Variants in PLN observed in about 807,000 individuals in gnomAD.
PLN encodes phospholamban, also known as cardiac phospholamban.
Under a neutral mutation model 3.9 loss-of-function variants are expected in PLN, and 1 was observed. The observed-to-expected ratio is 0.26, with a 90% CI of 0.09 to 1.23. The LOEUF (loss-of-function observed/expected upper bound fraction) is 1.23. PLN is among the 50% of genes most tolerant of loss of function. The pLI is 0.48. For synonymous variants in PLN, 21 were observed against 20.5 expected (o/e 1.02, Z -0.07); for missense variants, 59 against 62.7 (o/e 0.94, Z 0.20).
intron 1 of PLN, among the ~76,000 whole-genome samples, chr6:118,549,116 C>T (rs1233606549): frequency 2.6e-5 from 4 of 151,860 alleles, no homozygotes; most frequent in South Asian, 2.1e-4. Flanking sequence ...AAAAATCTGA[C>T]GTTAGAGAAT....
intron 1 of PLN, among the ~76,000 whole-genome samples, chr6:118,555,525 A>G (rs1778809652): frequency 6.6e-6 from 1 of 152,182 alleles, no homozygotes; most frequent in South Asian, 2.1e-4. Flanking sequence ...ACATAAGCAA[A>G]TATCAACATA....
In PLN at chr6:118,559,164, A is replaced by G. The variant is rs1583048256; in HGVS notation, c.*84A>G. On this transcript the variant is annotated 3_prime_UTR_variant, in exon 2 of 2. Coordinates refer to ENST00000357525, the MANE Select transcript of PLN (RefSeq NM_002667.5). ...CATGCAGACAGGAAAACAATATTGTATAACAGACCACTTCCTGAGTAGAAG... is the reference window on the plus strand; with the variant it reads ...CATGCAGACAGGAAAACAATATTGTGTAACAGACCACTTCCTGAGTAGAAG... 8.2e-6 allele frequency: 8 copies of G among 974,426 alleles called. No homozygotes were observed. The highest frequency in any genetic ancestry group is 5.1e-5 in the South Asian group (4 of 77,724). 60.4% of individuals were successfully genotyped at this position (974,426 alleles called of 1,614,324 possible).
chr6:118,558,877 T>C lies in PLN; in HGVS notation c.-45T>C, dbSNP rs1342234971. On this transcript the variant is annotated 5_prime_UTR_variant, in exon 2 of 2. Transcript: ENST00000357525. ...TATTTGGCTGCCAGCTTTTTATCTT[T>C]CTCTCGACCACTTAAAACTTCAGAC... The C allele has an allele frequency of 6.6e-7, 1 of 1,524,308 alleles. No individual in the cohort carries two copies. Among genetic ancestry groups the C allele is most frequent in the African/African-American group, 1.4e-5 (1 of 73,324 alleles). 94.4% of individuals were successfully genotyped at this position (1,524,308 alleles called of 1,614,324 possible).
At position 118,560,316 on chromosome 6, in the gene PLN, T is replaced by C. The variant is rs1181714880; in HGVS notation, c.*1236T>C. 7 of 167,070 alleles carry C rather than the reference T, an allele frequency of 4.2e-5. No individual in the cohort carries two copies. Among genetic ancestry groups the C allele is most frequent in the African/African-American group, 1.7e-4 (7 of 41,458 alleles). The allele number at this position is 167,070 out of a possible 1,614,324, so 10.3% of individuals were successfully genotyped here. A position where few individuals can be genotyped will look rare whatever the true frequency, so the allele number is the denominator to read the frequency against. On this transcript the variant is annotated 3_prime_UTR_variant, in exon 2 of 2. Coordinates refer to ENST00000357525, the MANE Select transcript of PLN (RefSeq NM_002667.5). ...TAACACATATTTTGCGTGTTATATG[T>C]ATTATACACTATATTCCTACAATAA...
intron 1 of PLN, among the ~76,000 whole-genome samples, 171 bp from the exon 2 acceptor site, chr6:118,558,654 C>CAGAGAGAGAGAGAGAGAGAG (rs1376671743): frequency 2.3e-5 from 3 of 131,544 alleles, no homozygotes; most frequent in African/African-American, 9.8e-5. Flanking sequence ...CACACACACA[C>CAGAGAGAGAGAGAGAGAGAG]ACACACAGAG....
Position 118,561,328 on chromosome 6 carries a change from T to G in PLN, c.*2248T>G, listed in dbSNP as rs999839674. Among the ~76,000 whole-genome samples, 2 of 152,188 alleles carry G rather than the reference T, an allele frequency of 1.3e-5. No individual in the cohort carries two copies. Among genetic ancestry groups the G allele is most frequent in the Non-Finnish European group, 1.5e-5 (1 of 68,016 alleles). Reference sequence around the variant, plus strand: ...AACTGATTAGTCATATTCCTTTGATTACACTGTTTGTTACAATATTTTTCT... The same window carrying G: ...AACTGATTAGTCATATTCCTTTGATGACACTGTTTGTTACAATATTTTTCT... On this transcript the variant is annotated 3_prime_UTR_variant, in exon 2 of 2. Coordinates refer to ENST00000357525, the MANE Select transcript of PLN (RefSeq NM_002667.5).
Position 118,561,607 on chromosome 6 carries a change from CA to C in PLN, c.*2529del, listed in dbSNP as rs1779227946. The stretch of plus-strand genomic sequence containing the variant: ...ATCTTAATTTACAGGGCACTAAAAA[CA>C]ATTTTAAAATGCTTAATGTTGCCTT... On this transcript the variant is annotated 3_prime_UTR_variant, in exon 2 of 2. Transcript: ENST00000357525. Among the ~76,000 whole-genome samples the C allele has an allele frequency of 6.6e-6, 1 of 152,014 alleles. No homozygotes were observed. Among genetic ancestry groups the C allele is most frequent in the South Asian group, 2.1e-4 (1 of 4,820 alleles).
At chr6:118,555,689 A>G (rs1778821516) in intron 1 of PLN, among the ~76,000 whole-genome samples, 1 of 152,042 alleles carries the variant, frequency 6.6e-6, no homozygotes, top group South Asian at 2.1e-4. Context: ...GGTATGTGTG[A>G]AGGTTTGTTA....
chr6:118,554,186 G>A (rs1209115293), intron 1 of PLN, among the ~76,000 whole-genome samples: 1 of 152,114 alleles, frequency 6.6e-6, no homozygotes, highest in African/African-American at 2.4e-5. Context: ...TACTCAGGAG[G>A]CTGAGGCAGG....
chr6:118,554,011 C>T (rs975009895), intron 1 of PLN, among the ~76,000 whole-genome samples: 25 of 152,088 alleles, frequency 1.6e-4, no homozygotes, highest in Non-Finnish European at 3.5e-4. Context: ...AATTGTTTAA[C>T]TTATTATTAA....
At chr6:118,554,896 C>T (rs1217298117) in intron 1 of PLN, among the ~76,000 whole-genome samples, 1 of 152,178 alleles carries the variant, frequency 6.6e-6, no homozygotes, top group Non-Finnish European at 1.5e-5. Flanking sequence ...TGACATGTTT[C>T]ATGTGACTGA....
At chr6:118,557,383 C>T (rs909087951) in intron 1 of PLN, among the ~76,000 whole-genome samples, 1 of 152,046 alleles carries the variant, frequency 6.6e-6, no homozygotes, top group Admixed American at 6.5e-5. Flanking sequence ...AAAGAATAAC[C>T]CAAAACAAGC....
chr6:118,551,353 C>A (rs1778532973), intron 1 of PLN, among the ~76,000 whole-genome samples: 1 of 151,286 alleles, frequency 6.6e-6, no homozygotes, highest in African/African-American at 2.4e-5. Flanking sequence ...TTGACTAACT[C>A]ACTCACATTA....
intron 1 of PLN, among the ~76,000 whole-genome samples, chr6:118,552,108 T>TTA (rs1189846593): frequency 6.6e-6 from 1 of 152,030 alleles, no homozygotes; most frequent in African/African-American, 2.4e-5. Flanking sequence ...GGAAAAAACA[T>TTA]CCTAGAGTAT....
Position 118,558,972 on chromosome 6 carries a change from C to A in PLN, c.51C>A (p.Thr17=), listed in dbSNP as rs996756205. ...LTRSAIRRAS[T]IEMPQQARQK... Reference sequence around the variant, plus strand: ...GCTCAGCTATAAGAAGAGCCTCAACCATTGAAATGCCTCAACAAGCACGTC... The same window carrying A: ...GCTCAGCTATAAGAAGAGCCTCAACAATTGAAATGCCTCAACAAGCACGTC... Residue 17 remains threonine (T), a synonymous_variant, in exon 2 of 2, where the codon ACC becomes ACA. Coordinates refer to ENST00000357525, the MANE Select transcript of PLN (RefSeq NM_002667.5). The A allele has an allele frequency of 3.7e-6, 6 of 1,612,600 alleles. No individual in the cohort carries two copies. The highest frequency in any genetic ancestry group is 5.1e-6 in the Non-Finnish European group (6 of 1,178,614).
At chr6:118,557,148 A>G (rs17080325) in intron 1 of PLN, among the ~76,000 whole-genome samples, 1,674 of 152,318 alleles carry the variant, frequency 0.011, 42 homozygotes, top group African/African-American at 0.038. Context: ...ATAAAACTAT[A>G]AAATCATAAA....
chr6:118,552,410 G>A (rs1252271528), intron 1 of PLN, among the ~76,000 whole-genome samples: 1 of 151,946 alleles, frequency 6.6e-6, no homozygotes, highest in Non-Finnish European at 1.5e-5. Context: ...TCATAAAGCA[G>A]GCCACCAAAA....
chr6:118,554,223 G>A (rs546793723), intron 1 of PLN, among the ~76,000 whole-genome samples: 1 of 152,188 alleles, frequency 6.6e-6, no homozygotes, highest in African/African-American at 2.4e-5. Flanking sequence ...GGGAAGTTGA[G>A]GTGCAGTGAG....
intron 1 of PLN, among the ~76,000 whole-genome samples, chr6:118,549,477 T>C (rs1778409619): frequency 6.6e-6 from 1 of 151,818 alleles, no homozygotes; most frequent in Non-Finnish European, 1.5e-5. Context: ...TCATATTTCA[T>C]ATATATGTTA....
Sources: gnomAD v4.1 joint callset for allele counts (sites outside exome capture counted in the v4.1 genomes callset) on GRCh38, gnomAD v4.1.1 for gene constraint, MANE v1.5 for transcripts, NCBI Gene and HGNC (gene_info 2026-07-23, HGNC 2026-07-21) for gene names.